The following CACNA2D3 variants were observed in gnomAD, a reference collection of about 807,000 sequenced individuals.
CACNA2D3 encodes calcium voltage-gated channel auxiliary subunit alpha2delta 3, also known as voltage-dependent calcium channel subunit alpha-2/delta-3.
In CACNA2D3, 60 loss-of-function variants were observed where a neutral mutation model predicts 160.6. The observed-to-expected ratio is 0.37, with a 90% CI of 0.30 to 0.46. The LOEUF (loss-of-function observed/expected upper bound fraction) is 0.46. CACNA2D3 is among the 20% of genes least tolerant of loss of function. The pLI is 1.00. For synonymous variants in CACNA2D3, 558 were observed against 492.9 expected, an observed-to-expected ratio of 1.13 and a Z score of -1.75; for missense variants, 1,205 against 1,365.0, an observed-to-expected ratio of 0.88 and a Z score of 1.85.
At chr3:54,506,874 T>C (rs1701379559) in intron 5 of CACNA2D3, among the ~76,000 whole-genome samples, 1 of 152,230 alleles carries the variant, frequency 6.6e-6, no homozygotes, top group Non-Finnish European at 1.5e-5. Flanking sequence ...AGGATGCTTT[T>C]GCAAGAACTG....
chr3:54,443,619 C>T (rs1479819463), intron 4 of CACNA2D3, among the ~76,000 whole-genome samples: 10 of 152,276 alleles, frequency 6.6e-5, no homozygotes, highest in Middle Eastern at 3.4e-3. Flanking sequence ...GCAGACAGAT[C>T]CTTGGCCGAC....
intron 5 of CACNA2D3, among the ~76,000 whole-genome samples, chr3:54,509,623 A>G (rs530632886): frequency 3.3e-5 from 5 of 152,254 alleles, no homozygotes; most frequent in African/African-American, 9.6e-5. Context: ...AGTCCTCAGC[A>G]AGGCCCAGGA....
intron 17 of CACNA2D3, among the ~76,000 whole-genome samples, chr3:54,869,274 G>A (rs940992902): frequency 6.6e-6 from 1 of 152,182 alleles, no homozygotes; most frequent in Non-Finnish European, 1.5e-5. Flanking sequence ...CAAGCTATGC[G>A]ATCTTATTTA....
intron 35 of CACNA2D3, among the ~76,000 whole-genome samples, chr3:55,039,737 T>C (rs554498977): frequency 6.6e-6 from 1 of 152,330 alleles, no homozygotes; most frequent in African/African-American, 2.4e-5. Context: ...TATTGGGAAA[T>C]GTTATTTAGA....
intron 2 of CACNA2D3, among the ~76,000 whole-genome samples, chr3:54,287,637 C>G (rs1479814338): frequency 7.0e-6 from 1 of 142,840 alleles, no homozygotes; most frequent in African/African-American, 2.6e-5. Context: ...TTTTCAGCAC[C>G]ACACCACACC....
At chr3:54,703,768 T>G (rs1700809034) in intron 11 of CACNA2D3, among the ~76,000 whole-genome samples, 1 of 152,186 alleles carries the variant, frequency 6.6e-6, no homozygotes, top group Admixed American at 6.5e-5. Flanking sequence ...AGTTGCAAAA[T>G]GTCGGCAAGC....
intron 4 of CACNA2D3, among the ~76,000 whole-genome samples, chr3:54,389,799 T>G (rs1190474605): frequency 6.6e-6 from 1 of 152,162 alleles, no homozygotes; most frequent in Non-Finnish European, 1.5e-5. Context: ...TGCTCCTAAT[T>G]CAAAGAGATG....
At chr3:54,523,126 T>C (rs547214738) in intron 5 of CACNA2D3, among the ~76,000 whole-genome samples, 61 of 152,256 alleles carry the variant, frequency 4.0e-4, no homozygotes, top group African/African-American at 1.3e-3. Flanking sequence ...GTTCCTGATC[T>C]TAAAGAAAGC....
chr3:54,561,372 A>G (rs1702322473), intron 5 of CACNA2D3, among the ~76,000 whole-genome samples: 1 of 152,118 alleles, frequency 6.6e-6, no homozygotes, highest in African/African-American at 2.4e-5. Context: ...TTTGGCTTTC[A>G]GCTTCACTGT....
chr3:54,523,634 G>A (rs1466112748), intron 5 of CACNA2D3, among the ~76,000 whole-genome samples: 2 of 152,038 alleles, frequency 1.3e-5, no homozygotes, highest in East Asian at 3.8e-4. Context: ...ATTTACCAGT[G>A]GCCCTGGCTT....
At chr3:54,228,238 G>A (rs982946631) in intron 2 of CACNA2D3, among the ~76,000 whole-genome samples, 1 of 152,144 alleles carries the variant, frequency 6.6e-6, no homozygotes, top group Non-Finnish European at 1.5e-5. Flanking sequence ...GGTTCAGTTT[G>A]GCTTCCTTCA....
intron 18 of CACNA2D3, among the ~76,000 whole-genome samples, chr3:54,876,783 A>G (rs1050076542): frequency 6.6e-6 from 1 of 152,216 alleles, no homozygotes; most frequent in Non-Finnish European, 1.5e-5. Flanking sequence ...GACACACAGT[A>G]AGAGCTCAGT....
chr3:54,616,608 G>A (rs1044308776), intron 9 of CACNA2D3, among the ~76,000 whole-genome samples: 6 of 152,186 alleles, frequency 3.9e-5, no homozygotes, highest in African/African-American at 1.4e-4. Context: ...CCATTTTGGA[G>A]GCTGGCTGCC....
intron 35 of CACNA2D3, among the ~76,000 whole-genome samples, chr3:55,037,179 A>G (rs1322899642): frequency 6.6e-6 from 1 of 152,218 alleles, no homozygotes; most frequent in East Asian, 1.9e-4. Flanking sequence ...AGAAGAAGAA[A>G]CCAAGGGTAA....
At chr3:54,944,154 C>T (rs1701549434) in intron 27 of CACNA2D3, among the ~76,000 whole-genome samples, 2 of 151,670 alleles carry the variant, frequency 1.3e-5, no homozygotes, top group Non-Finnish European at 2.9e-5. Context: ...CAGCCTCCAC[C>T]CTAGAAGCTT....
At chr3:54,404,920 A>G (rs1039450753) in intron 4 of CACNA2D3, among the ~76,000 whole-genome samples, 12 of 152,002 alleles carry the variant, frequency 7.9e-5, no homozygotes, top group Admixed American at 7.2e-4. Flanking sequence ...TTACCAAGAA[A>G]GTAAAAGACA....
intron 3 of CACNA2D3, among the ~76,000 whole-genome samples, chr3:54,331,579 A>G (rs72988015): frequency 0.018 from 2,754 of 152,300 alleles, 74 homozygotes; most frequent in African/African-American, 0.064. Flanking sequence ...ACACTATGCT[A>G]TGCTTTGCAT....
chr3:54,306,712 T>G (rs940964164), intron 2 of CACNA2D3, among the ~76,000 whole-genome samples: 1 of 152,176 alleles, frequency 6.6e-6, no homozygotes, highest in African/African-American at 2.4e-5. Flanking sequence ...AGGGAGATCG[T>G]GGCAGTGCCT....
Position 54,197,105 on chromosome 3 carries a change from T to C in CACNA2D3, c.204+73511T>C, listed in dbSNP as rs375640619. ...TTTAAAGAGATTGCATCTCTGTTTG[T>C]TGTCCAGGTTGGTTTTGAGCTCCTG... On this transcript the variant is annotated intron_variant, in intron 2 of 37. Transcript: ENST00000474759. Among the ~76,000 whole-genome samples the C allele has an allele frequency of 5.3e-5, 8 of 152,320 alleles. No homozygotes were observed. The East Asian group carries it at 1.5e-3, about 29-fold the overall frequency.
Sources: gnomAD v4.1 joint callset for allele counts (sites outside exome capture counted in the v4.1 genomes callset) on GRCh38, gnomAD v4.1.1 for gene constraint, MANE v1.5 for transcripts, NCBI Gene and HGNC (gene_info 2026-07-23, HGNC 2026-07-21) for gene names.